The following RABGGTB variants were observed in gnomAD, a reference collection of about 807,000 sequenced individuals.
The protein encoded by RABGGTB is Rab geranylgeranyltransferase subunit beta, also known as geranylgeranyl transferase type-2 subunit beta.
RABGGTB carries 20 observed loss-of-function variants against 44.5 expected under a neutral mutation model. That is an observed-to-expected ratio of 0.45 (90% CI 0.32 to 0.65). The LOEUF (loss-of-function observed/expected upper bound fraction) is 0.65, where lower values mean the gene tolerates loss of function less well. Ranked by LOEUF, RABGGTB falls within the 30% of genes least tolerant of loss-of-function variation. The probability of loss-of-function intolerance (pLI) is 0.05; values close to 1 mark genes in which losing one functional copy is unlikely to be tolerated. For missense variants in RABGGTB, 302 were observed against 398.7 expected (o/e 0.76, Z 2.06); for synonymous variants, 128 against 136.7 (o/e 0.94, Z 0.44).
chr1:75,791,181 A>T, intron 4 of RABGGTB, 104 bp from the exon 5 acceptor site: 2 of 1,000,910 alleles, frequency 2.0e-6, no homozygotes, highest in Non-Finnish European at 3.1e-6. Flanking sequence ...AGTGAAAGTT[A>T]AGCTTGAACT....
chr1:75,787,127 G>A (rs1649512270), intron 1 of RABGGTB: 2 of 543,996 alleles, frequency 3.7e-6, no homozygotes. Flanking sequence ...TACTACTTTA[G>A]CTCTAGAATT....
intron 6 of RABGGTB, 93 bp downstream of exon 6, chr1:75,791,664 A>G (rs1234193297): frequency 9.2e-7 from 1 of 1,090,784 alleles, no homozygotes; most frequent in African/African-American, 1.6e-5. Context: ...TGTCAAATAC[A>G]CATAAAGTTA....
chr1:75,787,361 A>AG (rs397692920), intron 1 of RABGGTB, 136 bp from the exon 2 acceptor site: 8 of 639,870 alleles, frequency 1.3e-5, no homozygotes, highest in Non-Finnish European at 2.1e-5. Context: ...CTAGTTAGTT[A>AG]CAATTTTTAA....
chr1:75,787,687 A>G (rs1649533434), intron 2 of RABGGTB, 83 bp downstream of exon 2: 1 of 1,119,556 alleles, frequency 8.9e-7, no homozygotes, highest in African/African-American at 1.5e-5. Context: ...TTATGTCTTA[A>G]AATGGCATCC....
intron 7 of RABGGTB, chr1:75,793,416 C>G (rs574847264): frequency 2.6e-5 from 4 of 152,272 alleles, no homozygotes; most frequent in African/African-American, 7.2e-5. Flanking sequence ...ATTTTTAAAC[C>G]TTAGTATTTC....
intron 4 of RABGGTB, among the ~76,000 whole-genome samples, chr1:75,790,681 T>C (rs563679123): frequency 7.9e-5 from 12 of 152,246 alleles, no homozygotes; most frequent in Admixed American, 7.8e-4. Context: ...GAGTGCAGTA[T>C]TTTGGGAGAC....
chr1:75,789,240 C>T lies in RABGGTB; in HGVS notation c.193C>T (p.Arg65Cys), dbSNP rs371350101. The change falls in exon 3 of 9, where the codon CGC (arginine) becomes TGC (cysteine). Residue 65 changes from arginine (R) to cysteine (C), a missense_variant. This residue lies in a region of RABGGTB where 213 missense variants were observed against 323.7 expected (regional missense o/e 0.66). Transcript: ENST00000319942. ...TVMDLMGQLH[R>C]MNREEILAFI... ...AATGGATCTCATGGGACAACTTCAT[C>T]GCATGAATAGAGAAGAGATTCTGGC... 6.8e-6 allele frequency: 11 copies of T among 1,613,868 alleles called. No homozygotes were observed. The highest frequency in any genetic ancestry group is 4.0e-5 in the African/African-American group (3 of 74,914).
In RABGGTB at chr1:75,789,769, T is replaced by C. The variant is rs1443165991; in HGVS notation, c.310-183T>C. 70 of 586,934 alleles carry C rather than the reference T, an allele frequency of 1.2e-4. No individual in the cohort carries two copies. The Admixed American group carries it at 1.9e-3, about 16-fold the overall frequency. 36.4% of individuals were successfully genotyped at this position (586,934 alleles called of 1,614,324 possible). ...AATTTATATGTAGAAAATTATACTT[T>C]AAAGATTTGAGTTTTCTTGATACTA... On this transcript the variant is annotated intron_variant, in intron 3 of 8. Coordinates refer to ENST00000319942, the MANE Select transcript of RABGGTB (RefSeq NM_004582.4).
chr1:75,793,840 T>G lies in RABGGTB; in HGVS notation c.706-244T>G, dbSNP rs911865483. 1.8e-5 allele frequency: 7 copies of G among 399,158 alleles called. No homozygotes were observed. The South Asian group carries it at 4.9e-4, about 28-fold the overall frequency. 24.7% of individuals were successfully genotyped at this position (399,158 alleles called of 1,614,324 possible). A position where few individuals can be genotyped will look rare whatever the true frequency, so the allele number is the denominator to read the frequency against. On this transcript the variant is annotated intron_variant, in intron 7 of 8. Transcript: ENST00000319942. ...GCATGCTTATCAGTGAGTACTGAGATATTTAGCATGGTTACCTATGAATTG... is the reference window on the plus strand; with the variant it reads ...GCATGCTTATCAGTGAGTACTGAGAGATTTAGCATGGTTACCTATGAATTG...
intron 3 of RABGGTB, 85 bp from the exon 4 acceptor site, chr1:75,789,867 G>T: frequency 1.0e-6 from 1 of 994,588 alleles, no homozygotes; most frequent in Non-Finnish European, 1.6e-6. Context: ...AAAAGGATGT[G>T]CTTGACAACT....
Position 75,789,992 on chromosome 1 carries a change from A to G in RABGGTB, c.350A>G (p.Asn117Ser). 6.2e-7 allele frequency: 1 copy of G among 1,612,466 alleles called. No homozygotes were observed. The highest frequency in any genetic ancestry group is 8.5e-7 in the Non-Finnish European group (1 of 1,179,078). ...GACAGTATTAATGTTATTGACGTAAATAAAGTTGTGGAATATGTTAAAGGT... is the reference window on the plus strand; with the variant it reads ...GACAGTATTAATGTTATTGACGTAAGTAAAGTTGTGGAATATGTTAAAGGT... ...LYDSINVIDVNKVVEYVKGLQ... is the reference protein window; with the variant it reads ...LYDSINVIDVSKVVEYVKGLQ... The change falls in exon 4 of 9, where the codon AAT becomes AGT. Residue 117 changes from asparagine (N) to serine (S), a missense_variant. Coordinates refer to ENST00000319942, the MANE Select transcript of RABGGTB (RefSeq NM_004582.4).
In RABGGTB at chr1:75,794,775, T is replaced by A; in HGVS notation, c.*125T>A. ...GTATATTGTGTTAAATTAATTTTAA[T>A]AAATTATATAATTATACATATTGTA... is the stretch of plus-strand genomic sequence containing the variant. On this transcript the variant is annotated 3_prime_UTR_variant, in exon 9 of 9. Transcript: ENST00000319942. 1.6e-6 allele frequency: 1 copy of A among 628,476 alleles called. No homozygotes were observed. The highest frequency in any genetic ancestry group is 4.3e-5 in the East Asian group (1 of 23,416). The allele number at this position is 628,476 out of a possible 1,614,324, so 38.9% of individuals were successfully genotyped here.
At position 75,789,287 on chromosome 1, in the gene RABGGTB, T is replaced by C; in HGVS notation, c.240T>C (p.His80=). ...EILAFIKSCQ[H]ECGGISASIG... ...TGGCATTTATTAAGTCTTGCCAACA[T>C]GAATGTGGTGGAATAAGTGCTAGTA... Residue 80 remains histidine, a synonymous_variant, in exon 3 of 9, where the codon CAT becomes CAC. Transcript: ENST00000319942. The C allele has an allele frequency of 1.9e-6, 3 of 1,614,126 alleles. No homozygotes were observed. Among genetic ancestry groups the C allele is most frequent in the Non-Finnish European group, 2.5e-6 (3 of 1,180,002 alleles).
At position 75,794,525 on chromosome 1, in the gene RABGGTB, A is replaced by G; in HGVS notation, c.871A>G (p.Thr291Ala). 1.2e-6 allele frequency: 2 copies of G among 1,611,328 alleles called. No individual in the cohort carries two copies. The highest frequency in any genetic ancestry group is 2.2e-5 in the East Asian group (1 of 44,818). ...TTTTAAATAGGTGGATCCTTTTCAT[A>G]CCTTATTTGGAATTGCTGGATTGTC... is the stretch of plus-strand genomic sequence containing the variant. ...RPGDMVDPFH[T>A]LFGIAGLSLL... Residue 291 changes from threonine (T) to alanine (A), a missense_variant, in exon 9 of 9, where the codon ACC becomes GCC. Around this residue, in one of 2 missense-constraint regions of RABGGTB, gnomAD observed 213 missense variants for 323.7 expected, o/e 0.66. Coordinates refer to ENST00000319942, the MANE Select transcript of RABGGTB (RefSeq NM_004582.4).
intron 7 of RABGGTB, 158 bp from the exon 8 acceptor site, chr1:75,793,926 C>A: frequency 3.4e-6 from 2 of 594,916 alleles, no homozygotes; most frequent in Non-Finnish European, 5.4e-6. Flanking sequence ...GTATTTCATA[C>A]CCTGCATATC....
chr1:75,789,993 T>C lies in RABGGTB; in HGVS notation c.351T>C (p.Asn117=). Residue 117 remains asparagine (N), a synonymous_variant, in exon 4 of 9, where the codon AAT becomes AAC. Coordinates refer to ENST00000319942, the MANE Select transcript of RABGGTB (RefSeq NM_004582.4). ...LYDSINVIDV[N]KVVEYVKGLQ... is the part of the protein sequence containing the mutation. ...ACAGTATTAATGTTATTGACGTAAA[T>C]AAAGTTGTGGAATATGTTAAAGGTC... is the stretch of plus-strand genomic sequence containing the variant. 2 of 1,612,416 alleles carry C rather than the reference T, an allele frequency of 1.2e-6. No individual in the cohort carries two copies. Among genetic ancestry groups the C allele is most frequent in the Non-Finnish European group, 1.7e-6 (2 of 1,179,068 alleles).
rs1649665516 is a variant in RABGGTB, at chr1:75,792,310, T to C, written c.705+4T>C. 1 of 1,613,680 alleles carries C rather than the reference T, an allele frequency of 6.2e-7. No homozygotes were observed. Among genetic ancestry groups the C allele is most frequent in the Non-Finnish European group, 8.5e-7 (1 of 1,179,650 alleles). On this transcript the variant is annotated splice_donor_region_variant and intron_variant, in intron 7 of 8. Transcript: ENST00000319942. ...GCTCAATGGAAGGCCGGAGAAGGTA[T>C]TGTTTGATAAGCCATATTCTGCTAG...
chr1:75,791,254 C>T (rs751137899), intron 4 of RABGGTB, 31 bp from the exon 5 acceptor site: 1 of 1,575,060 alleles, frequency 6.3e-7, no homozygotes, highest in South Asian at 1.1e-5. Flanking sequence ...TTTGGTAACA[C>T]CTGCCTTGAT....
In RABGGTB at chr1:75,789,948, G is replaced by A; in HGVS notation, c.310-4G>A. ...CATTTACCTAATACTTGTCTTTATT[G>A]CAGATTCTTACGCTGTATGACAGTA... On this transcript the variant is annotated splice_polypyrimidine_tract_variant and splice_region_variant and intron_variant, in intron 3 of 8. Coordinates refer to ENST00000319942, the MANE Select transcript of RABGGTB (RefSeq NM_004582.4). 6.3e-7 allele frequency: 1 copy of A among 1,591,598 alleles called. No individual in the cohort carries two copies. The highest frequency in any genetic ancestry group is 8.6e-7 in the Non-Finnish European group (1 of 1,161,686).
Sources: gnomAD v4.1 joint callset for allele counts (sites outside exome capture counted in the v4.1 genomes callset) on GRCh38, gnomAD v4.1.1 for gene constraint, gnomAD v4.1.1 regional missense constraint, MANE v1.5 for transcripts, NCBI Gene and HGNC (gene_info 2026-07-23, HGNC 2026-07-21) for gene names.